The following CEMIP2 variants were observed in gnomAD, a reference collection of about 807,000 sequenced individuals.
The protein encoded by CEMIP2 is cell migration inducing hyaluronidase 2, also known as cell surface hyaluronidase CEMIP2.
CEMIP2 carries 79 observed loss-of-function variants against 146.9 expected under a neutral mutation model. The observed-to-expected ratio is 0.54, with a 90% CI of 0.45 to 0.65. The LOEUF (loss-of-function observed/expected upper bound fraction) is 0.65. CEMIP2 is among the 30% of genes least tolerant of loss of function. The pLI, the probability that CEMIP2 is intolerant of heterozygous loss-of-function variation, is 0.00. For synonymous variants in CEMIP2, 601 were observed against 606.3 expected (o/e 0.99, Z 0.13); for missense variants, 1,596 against 1,696.2 (o/e 0.94, Z 1.04).
In CEMIP2 at chr9:71,725,797, G is replaced by A. The variant is rs1193363767; in HGVS notation, c.2050-88C>T. On this transcript the variant is annotated intron_variant, in intron 10 of 23. Transcript: ENST00000377044. ...CATAAACTAACTTCTTCATCAGCAA[G>A]TTTAATCTTTTTCACCCAAATTTTT... 5 of 1,422,378 alleles carry A rather than the reference G, an allele frequency of 3.5e-6. No homozygotes were observed. The African/African-American group carries it at 7.2e-5, about 21-fold the overall frequency. The allele number at this position is 1,422,378 out of a possible 1,614,324, so 88.1% of individuals were successfully genotyped here. A position where few individuals can be genotyped will look rare whatever the true frequency, so the allele number is the denominator to read the frequency against.
At chr9:71,755,265 C>A (rs567078709) in intron 1 of CEMIP2, among the ~76,000 whole-genome samples, 2 of 141,764 alleles carry the variant, frequency 1.4e-5, no homozygotes, top group African/African-American at 2.7e-5. Flanking sequence ...AATCTCAGTG[C>A]TTTGGGGGGT....
rs1822335654 is a variant in CEMIP2, at chr9:71,694,502, T to C, written c.3696+7A>G. On this transcript the variant is annotated splice_region_variant and intron_variant, in intron 21 of 23. Transcript: ENST00000377044. ...AACAGACTAAGACAACACCAGATGG[T>C]ACTTACAGAAATAACAGACGGGTCT... 4 of 1,605,720 alleles carry C rather than the reference T, an allele frequency of 2.5e-6. No homozygotes were observed. The highest frequency in any genetic ancestry group is 3.4e-6 in the Non-Finnish European group (4 of 1,172,866).
rs762838165 is a variant in CEMIP2, at chr9:71,694,451, TTA to T, written c.3696+56_3696+57del. On this transcript the variant is annotated intron_variant, in intron 21 of 23. Coordinates refer to ENST00000377044, the MANE Select transcript of CEMIP2 (RefSeq NM_013390.3). ...TTCTGTTGTTTATAAGCTACCTAGTTTATGGCATTTTGTTATACCACCTAGAA... is the reference window on the plus strand; with the variant it reads ...TTCTGTTGTTTATAAGCTACCTAGTTTGGCATTTTGTTATACCACCTAGAA... The T allele has an allele frequency of 2.9e-5, 41 of 1,390,552 alleles. No individual in the cohort carries two copies. In the South Asian group the frequency reaches 3.5e-4, roughly 12 times the overall value. 86.1% of individuals were successfully genotyped at this position (1,390,552 alleles called of 1,614,324 possible). A position where few individuals can be genotyped will look rare whatever the true frequency, so the allele number is the denominator to read the frequency against.
intron 6 of CEMIP2, among the ~76,000 whole-genome samples, chr9:71,733,234 C>A (rs1413872421): frequency 6.6e-6 from 1 of 152,148 alleles, no homozygotes; most frequent in East Asian, 1.9e-4. Context: ...ATTATGCATT[C>A]TTTTAAATTC....
intron 20 of CEMIP2, 29 bp from the exon 21 acceptor site, chr9:71,694,636 G>T: frequency 1.4e-6 from 2 of 1,470,204 alleles, no homozygotes; most frequent in South Asian, 2.3e-5. Context: ...CCATATTTAT[G>T]GCAACTCTTA....
chr9:71,692,790 C>G (rs1283153550), intron 21 of CEMIP2, among the ~76,000 whole-genome samples: 1 of 151,960 alleles, frequency 6.6e-6, no homozygotes, highest in Non-Finnish European at 1.5e-5. Context: ...AAGCATGTGC[C>G]TTTAGTCCCA....
intron 1 of CEMIP2, among the ~76,000 whole-genome samples, chr9:71,766,238 T>C (rs961453441): frequency 2.0e-5 from 3 of 151,578 alleles, no homozygotes; most frequent in Non-Finnish European, 2.9e-5. Flanking sequence ...CTGGCTAATT[T>C]TTTTTTGTAT....
chr9:71,713,507 T>A (rs1270780151), intron 15 of CEMIP2, among the ~76,000 whole-genome samples: 1 of 152,208 alleles, frequency 6.6e-6, no homozygotes, highest in Non-Finnish European at 1.5e-5. Flanking sequence ...GTTGTAAAGA[T>A]ATGATCATAT....
chr9:71,684,360 G>A lies in CEMIP2; in HGVS notation c.*837C>T, dbSNP rs1353632117. The A allele has an allele frequency of 6.6e-6, 1 of 152,474 alleles. No homozygotes were observed. Among genetic ancestry groups the A allele is most frequent in the Non-Finnish European group, 1.5e-5 (1 of 68,018 alleles). The allele number at this position is 152,474 out of a possible 1,614,324, so 9.4% of individuals were successfully genotyped here. A position where few individuals can be genotyped will look rare whatever the true frequency, so the allele number is the denominator to read the frequency against. On this transcript the variant is annotated 3_prime_UTR_variant, in exon 24 of 24. Coordinates refer to ENST00000377044, the MANE Select transcript of CEMIP2 (RefSeq NM_013390.3). ...AAAATGATACAAGTTTACGGTTCAG[G>A]AAAACAACCTACTTCTTAAAACAAA...
chr9:71,698,513 A>C (rs17057129), intron 19 of CEMIP2, among the ~76,000 whole-genome samples: 26,508 of 152,158 alleles, frequency 0.17, 2,720 homozygotes, highest in East Asian at 0.36. Context: ...TGGCTCAAAA[A>C]TTCCTTGGAA....
At chr9:71,698,372 G>C (rs2131874082) in intron 19 of CEMIP2, 168 bp from the exon 20 acceptor site, 1 of 617,016 alleles carries the variant, frequency 1.6e-6, no homozygotes, top group Non-Finnish European at 2.8e-6. Flanking sequence ...TATCCTTCAA[G>C]GGTCCTAAGT....
intron 2 of CEMIP2, among the ~76,000 whole-genome samples, chr9:71,749,242 A>G (rs916306169): frequency 2.0e-5 from 3 of 152,150 alleles, no homozygotes; most frequent in African/African-American, 7.2e-5. Flanking sequence ...ATATATCCTA[A>G]AGGATGCTTC....
At chr9:71,735,121 C>G (rs779534018) in intron 5 of CEMIP2, 127 bp from the exon 6 acceptor site, 294 of 1,052,884 alleles carry the variant, frequency 2.8e-4, no homozygotes, top group Non-Finnish European at 3.1e-4. Flanking sequence ...CAAATTTTTA[C>G]GCATGCTACC....
intron 15 of CEMIP2, 38 bp downstream of exon 15, chr9:71,714,896 G>T: frequency 6.3e-7 from 1 of 1,590,742 alleles, no homozygotes; most frequent in South Asian, 1.1e-5. Flanking sequence ...TTCCTTTATT[G>T]CTTAAATTTA....
Position 71,709,424 on chromosome 9 carries a change from A to G in CEMIP2, c.2820T>C (p.Cys940=). The change falls in exon 17 of 24, where the codon TGT becomes TGC. Residue 940 remains cysteine, a synonymous_variant. Transcript: ENST00000377044. ...FGKPGPWFED[C]EMDGDKNSIF... ...TGGAGTTCTTATCACCATCCATCTC[A>G]CAATCTTCAAACCAGGGACCAGGCT... 1.9e-6 allele frequency: 3 copies of G among 1,614,176 alleles called. No individual in the cohort carries two copies. Among genetic ancestry groups the G allele is most frequent in the Non-Finnish European group, 2.5e-6 (3 of 1,180,006 alleles).
At chr9:71,713,175 C>T (rs1045342096) in intron 15 of CEMIP2, among the ~76,000 whole-genome samples, 9 of 152,140 alleles carry the variant, frequency 5.9e-5, no homozygotes, top group South Asian at 2.1e-4. Flanking sequence ...ATAATTCCCA[C>T]GTGTTGTGGG....
At chr9:71,727,217 C>A (rs771119129) in intron 10 of CEMIP2, among the ~76,000 whole-genome samples, 1 of 152,124 alleles carries the variant, frequency 6.6e-6, no homozygotes. Context: ...CATGAACTCT[C>A]GGCAATTTGC....
Position 71,761,763 on chromosome 9 carries a change from G to T in CEMIP2, c.-13+6594C>A, listed in dbSNP as rs183537452. ...GAAGCTCACAGCCCAGCATTTGGGG[G>T]TAGAAAGAGTAGGGAGACAACACAA... On this transcript the variant is annotated intron_variant, in intron 1 of 23. Transcript: ENST00000377044. 3.5e-4 allele frequency among the ~76,000 whole-genome samples: 53 copies of T among 152,280 alleles called. No individual in the cohort carries two copies. The East Asian group carries it at 0.01, about 29-fold the overall frequency.
In CEMIP2 at chr9:71,730,880, T is replaced by A. The variant is rs1200547949; in HGVS notation, c.1598A>T (p.Tyr533Phe). The A allele has an allele frequency of 4.3e-6, 7 of 1,614,180 alleles. No individual in the cohort carries two copies. Among genetic ancestry groups the A allele is most frequent in the Non-Finnish European group, 5.9e-6 (7 of 1,180,024 alleles). Residue 533 changes from tyrosine (Y) to phenylalanine (F), a missense_variant, in exon 8 of 24, where the codon TAT (tyrosine) becomes TTT (phenylalanine). Transcript: ENST00000377044. ...MKNFTSVHLS[Y>F]VELKHMGQQQ... Reference sequence around the variant, plus strand: ...CTGACCCATGTGTTTCAATTCCACATAAGAAAGATGGACTGAAGTAAAATT... The same window carrying A: ...CTGACCCATGTGTTTCAATTCCACAAAAGAAAGATGGACTGAAGTAAAATT...
Sources: gnomAD v4.1 joint callset for allele counts (sites outside exome capture counted in the v4.1 genomes callset) on GRCh38, gnomAD v4.1.1 for gene constraint, MANE v1.5 for transcripts, NCBI Gene and HGNC (gene_info 2026-07-23, HGNC 2026-07-21) for gene names.